Variants in GALNTL6 observed in about 807,000 individuals in gnomAD.
The protein encoded by GALNTL6 is polypeptide N-acetylgalactosaminyltransferase-like 6.
Under a neutral mutation model 73.7 loss-of-function variants are expected in GALNTL6, and 46 were observed. The observed-to-expected ratio is 0.62, with a 90% CI of 0.49 to 0.80. GALNTL6 has a LOEUF of 0.80. GALNTL6 is among the 30% of genes least tolerant of loss of function. The probability of loss-of-function intolerance (pLI) is 0.00; values close to 1 mark genes in which losing one functional copy is unlikely to be tolerated. For missense variants in GALNTL6, 604 were observed against 755.0 expected (o/e 0.80, Z 2.34); for synonymous variants, 259 against 263.7 (o/e 0.98, Z 0.17).
intron 3 of GALNTL6, among the ~76,000 whole-genome samples, chr4:172,295,224 C>G (rs1487055634): frequency 6.6e-6 from 1 of 151,988 alleles, no homozygotes; most frequent in Non-Finnish European, 1.5e-5. Flanking sequence ...GAGTTCAAGA[C>G]CAGCCTGGCC....
chr4:171,972,923 C>T (rs921964301), intron 2 of GALNTL6, among the ~76,000 whole-genome samples: 1 of 151,956 alleles, frequency 6.6e-6, no homozygotes, highest in African/African-American at 2.4e-5. Flanking sequence ...ATAGTATAAT[C>T]GAATTTCTTC....
At chr4:172,128,400 T>G (rs1434961151) in intron 2 of GALNTL6, among the ~76,000 whole-genome samples, 1 of 152,136 alleles carries the variant, frequency 6.6e-6, no homozygotes, top group African/African-American at 2.4e-5. Context: ...AAAATTTAAA[T>G]AAAGATCCTA....
Position 172,901,905 on chromosome 4 carries a change from C to T in GALNTL6, c.1041+18998C>T, listed in dbSNP as rs62340328. On this transcript the variant is annotated intron_variant, in intron 8 of 12. Coordinates refer to ENST00000506823, the MANE Select transcript of GALNTL6 (RefSeq NM_001034845.3). ...AGAAATGATCTGTCTGCACTGTGTC[C>T]AGTCTTCAGTCTCTTTTAATATTAA... Among the ~76,000 whole-genome samples, 327 of 152,268 alleles carry T rather than the reference C, an allele frequency of 2.1e-3. 1 individual carries two copies. The highest frequency in any genetic ancestry group is 3.4e-3 in the Middle Eastern group (1 of 294).
chr4:172,597,078 T>C (rs1737883642), intron 5 of GALNTL6, among the ~76,000 whole-genome samples: 1 of 152,200 alleles, frequency 6.6e-6, no homozygotes, highest in Admixed American at 6.5e-5. Context: ...ATAAATCCTA[T>C]TATTTAACAA....
chr4:172,346,470 T>C (rs2111211317), intron 4 of GALNTL6, among the ~76,000 whole-genome samples: 1 of 152,214 alleles, frequency 6.6e-6, no homozygotes, highest in East Asian at 1.9e-4. Context: ...TGAATTCTCT[T>C]TCTACATAGA....
intron 2 of GALNTL6, among the ~76,000 whole-genome samples, chr4:171,915,695 T>C (rs931291925): frequency 6.6e-6 from 1 of 152,178 alleles, no homozygotes; most frequent in Non-Finnish European, 1.5e-5. Flanking sequence ...AGCATTTACA[T>C]GTAGTATTTC....
chr4:172,550,624 A>T (rs1248090738), intron 5 of GALNTL6, among the ~76,000 whole-genome samples: 3 of 151,982 alleles, frequency 2.0e-5, no homozygotes, highest in Non-Finnish European at 2.9e-5. Context: ...TAGAGACAGG[A>T]TCTTGCTCTA....
At chr4:172,243,305 T>C (rs1050598974) in intron 3 of GALNTL6, among the ~76,000 whole-genome samples, 3 of 152,172 alleles carry the variant, frequency 2.0e-5, no homozygotes, top group South Asian at 2.1e-4. Flanking sequence ...CACCATATTA[T>C]CATATGTGGA....
chr4:172,698,534 A>AATTTGTCATTATTT (rs1358660843), intron 5 of GALNTL6, among the ~76,000 whole-genome samples: 1 of 151,990 alleles, frequency 6.6e-6, no homozygotes, highest in Non-Finnish European at 1.5e-5. Context: ...AAATTCTGGG[A>AATTTGTCATTATTT]GCTCCATTAT....
intron 2 of GALNTL6, among the ~76,000 whole-genome samples, chr4:171,966,312 T>A (rs565011050): frequency 1.1e-4 from 17 of 152,302 alleles, no homozygotes; most frequent in Admixed American, 1.0e-3. Flanking sequence ...GGTGTGATAT[T>A]CTAGTGTGCC....
intron 11 of GALNTL6, among the ~76,000 whole-genome samples, chr4:173,010,844 A>T (rs1363892703): frequency 6.7e-6 from 1 of 150,080 alleles, no homozygotes; most frequent in Non-Finnish European, 1.5e-5. Flanking sequence ...TGACCTCATG[A>T]TCTGCCCACC....
chr4:172,225,019 GAA>G (rs1472514773), intron 2 of GALNTL6, among the ~76,000 whole-genome samples: 1 of 152,038 alleles, frequency 6.6e-6, no homozygotes, highest in Non-Finnish European at 1.5e-5. Context: ...TCCTCAAGGT[GAA>G]AAACCGGAAT....
At chr4:171,824,077 T>TTATATATATATATATATATATA (rs3080307) in intron 2 of GALNTL6, among the ~76,000 whole-genome samples, 24 of 129,206 alleles carry the variant, frequency 1.9e-4, no homozygotes, top group South Asian at 1.1e-3. Context: ...CAAATCCATT[T>TTATATATATATATATATATATA]TATATATATA....
chr4:172,857,728 T>C (rs1415576592), intron 7 of GALNTL6, among the ~76,000 whole-genome samples: 1 of 152,226 alleles, frequency 6.6e-6, no homozygotes, highest in East Asian at 1.9e-4. Flanking sequence ...TAAAATCCAA[T>C]GATTCTTTAA....
chr4:171,814,337 T>C lies in GALNTL6; in HGVS notation c.-169-75T>C, dbSNP rs189622070. On this transcript the variant is annotated intron_variant, in intron 1 of 12. Coordinates refer to ENST00000506823, the MANE Select transcript of GALNTL6 (RefSeq NM_001034845.3). Reference sequence around the variant, plus strand: ...CTTAATGATTTCTTTAGTCAAGTCATTTATTTCTAAGCCAATAGATAATGC... The same window carrying C: ...CTTAATGATTTCTTTAGTCAAGTCACTTATTTCTAAGCCAATAGATAATGC... 298 of 565,208 alleles carry C rather than the reference T, an allele frequency of 5.3e-4. 2 individuals are homozygous for C. Among genetic ancestry groups the C allele is most frequent in the Admixed American group, 9.0e-4 (28 of 31,166 alleles). The allele number at this position is 565,208 out of a possible 1,614,324, so 35.0% of individuals were successfully genotyped here.
At chr4:172,429,633 C>T (rs1731366961) in intron 5 of GALNTL6, among the ~76,000 whole-genome samples, 1 of 152,150 alleles carries the variant, frequency 6.6e-6, no homozygotes, top group Admixed American at 6.6e-5. Context: ...ATCACTTGAA[C>T]ATATTCTCTT....
intron 2 of GALNTL6, among the ~76,000 whole-genome samples, chr4:172,116,519 C>A (rs1418795379): frequency 1.3e-5 from 2 of 152,080 alleles, no homozygotes; most frequent in Non-Finnish European, 2.9e-5. Context: ...ATCCACCCAC[C>A]TCACCTTCCC....
chr4:172,701,056 G>C (rs1346416844), intron 5 of GALNTL6, among the ~76,000 whole-genome samples: 3 of 152,072 alleles, frequency 2.0e-5, no homozygotes, highest in African/African-American at 7.2e-5. Context: ...TGAAATAATA[G>C]ATTGTATTTT....
At chr4:172,566,796 A>C (rs1736570596) in intron 5 of GALNTL6, among the ~76,000 whole-genome samples, 1 of 152,112 alleles carries the variant, frequency 6.6e-6, no homozygotes, top group African/African-American at 2.4e-5. Context: ...TAGGAAAAAA[A>C]AAGATTCAAA....
Sources: gnomAD v4.1 joint callset for allele counts (sites outside exome capture counted in the v4.1 genomes callset) on GRCh38, gnomAD v4.1.1 for gene constraint, MANE v1.5 for transcripts, NCBI Gene and HGNC (gene_info 2026-07-23, HGNC 2026-07-21) for gene names.